Variants in OVCH1 observed in about 807,000 individuals in gnomAD.
The protein encoded by OVCH1 is ovochymase 1, also known as ovochymase-1.
A neutral mutation model predicts 138.4 loss-of-function variants in OVCH1; 139 were observed. That is an observed-to-expected ratio of 1.00 (90% confidence interval 0.87 to 1.16). OVCH1 has a LOEUF of 1.16. OVCH1 is among the 50% of genes most tolerant of loss of function. The pLI is 0.00. For missense variants in OVCH1, 1,367 were observed against 1,357.9 expected (o/e 1.01, Z -0.11); for synonymous variants, 453 against 467.8 (o/e 0.97, Z 0.41).
downstream of OVCH1, among the ~76,000 whole-genome samples, chr12:29,411,943 C>G (rs1940964226): frequency 6.7e-6 from 1 of 149,926 alleles, no homozygotes; most frequent in African/African-American, 2.4e-5. Context: ...CCTCCTTGAG[C>G]TGTGTTGGGC....
intron 8 of OVCH1, among the ~76,000 whole-genome samples, chr12:29,482,705 T>C (rs374665738): frequency 6.6e-6 from 1 of 152,230 alleles, no homozygotes; most frequent in Non-Finnish European, 1.5e-5. Flanking sequence ...TCAAGAAGTT[T>C]GAGTTTCTAT....
intron 25 of OVCH1, among the ~76,000 whole-genome samples, chr12:29,442,900 T>C (rs1941524167): frequency 6.6e-6 from 1 of 152,022 alleles, no homozygotes; most frequent in South Asian, 2.1e-4. Context: ...CTTGTAAAGA[T>C]GTTTTTCCCA....
Position 29,476,764 on chromosome 12 carries a change from C to CGT in OVCH1, c.1377+337_1377+338insAC, listed in dbSNP as rs1386806132. 1.6e-3 allele frequency among the ~76,000 whole-genome samples: 38 copies of CGT among 23,568 alleles called. 2 individuals carry two copies. The highest frequency in any genetic ancestry group is 3.3e-3 in the African/African-American group (37 of 11,094). The allele number at this position is 23,568 out of a possible 152,430, so 15.5% of individuals were successfully genotyped here. ...ATAAGTACACACGCGCGCACACACACACACACACACACACACACACACACA... is the reference window on the plus strand; with the variant it reads ...ATAAGTACACACGCGCGCACACACACGTACACACACACACACACACACACACA... On this transcript the variant is annotated intron_variant, in intron 12 of 27. Transcript: ENST00000318184.
intron 3 of OVCH1, among the ~76,000 whole-genome samples, chr12:29,419,677 A>C (rs930331895): frequency 3.1e-4 from 47 of 152,212 alleles, no homozygotes; most frequent in Admixed American, 2.0e-3. Flanking sequence ...GATGTTATAC[A>C]CTTATATAAT....
intron 27 of OVCH1, chr12:29,427,671 T>G: frequency 6.5e-7 from 1 of 1,547,332 alleles, no homozygotes; most frequent in Non-Finnish European, 8.7e-7. Context: ...TATTTGTTGT[T>G]TGGAAACCAC....
chr12:29,463,827 C>G (rs1402219981), intron 18 of OVCH1, among the ~76,000 whole-genome samples: 1 of 152,116 alleles, frequency 6.6e-6, no homozygotes, highest in Non-Finnish European at 1.5e-5. Flanking sequence ...CCTCCTCCTT[C>G]AAGCTCACAG....
intron 26 of OVCH1, among the ~76,000 whole-genome samples, chr12:29,437,703 A>G (rs887112183): frequency 2.0e-5 from 3 of 152,178 alleles, no homozygotes; most frequent in African/African-American, 7.2e-5. Flanking sequence ...AAGAAACAAG[A>G]GATTTAATTT....
chr12:29,413,660 TTACACACA>T lies in OVCH1; in HGVS notation c.*72-943_*72-936del, dbSNP rs1168445976. Among the ~76,000 whole-genome samples, 15 of 92,032 alleles carry T rather than the reference TTACACACA, an allele frequency of 1.6e-4. 1 individual carries two copies. In the East Asian group the frequency reaches 3.7e-3, roughly 23 times the overall value. 60.4% of individuals were successfully genotyped at this position (92,032 alleles called of 152,430 possible). A position where few individuals can be genotyped will look rare whatever the true frequency, so the allele number is the denominator to read the frequency against. On this transcript the variant is annotated intron_variant and NMD_transcript_variant, in intron 3 of 4. Transcript: ENST00000539117. ...GCATTTATGTATGTGTCTGTGTGTA[TTACACACA>T]TACACACACACACACACACACATTG... is the stretch of plus-strand genomic sequence containing the variant.
At chr12:29,488,620 C>CAAAAAAAAAAAAAAAAAAAAA (rs67595567) in intron 6 of OVCH1, among the ~76,000 whole-genome samples, 17 of 61,732 alleles carry the variant, frequency 2.8e-4, no homozygotes, top group Middle Eastern at 9.8e-3. Flanking sequence ...GACTCCATCT[C>CAAAAAAAAAAAAAAAAAAAAA]AAAAAAAAAA....
In OVCH1 at chr12:29,439,303, C is replaced by T; in HGVS notation, c.3264+25G>A. ...TTAAGATGTTATATAAGCCCAAGTT[C>T]TAATCACCTCTTTGAGTTACTCACC... On this transcript the variant is annotated intron_variant, in intron 26 of 27. Coordinates refer to ENST00000318184, the Ensembl canonical transcript of OVCH1. 2.7e-6 allele frequency: 4 copies of T among 1,463,138 alleles called. No homozygotes were observed. The African/African-American group carries it at 5.8e-5, about 21-fold the overall frequency. 90.6% of individuals were successfully genotyped at this position (1,463,138 alleles called of 1,614,324 possible).
chr12:29,453,527 G>A (rs1941857356), intron 21 of OVCH1, among the ~76,000 whole-genome samples: 2 of 151,842 alleles, frequency 1.3e-5, no homozygotes, highest in African/African-American at 2.4e-5. Context: ...CTGTAATCTC[G>A]GTTTCAGGAA....
chr12:29,466,345 TAATA>T (rs146856526), intron 16 of OVCH1, among the ~76,000 whole-genome samples: 3,811 of 152,218 alleles, frequency 0.025, 141 homozygotes, highest in African/African-American at 0.086. Context: ...TAAATTTGTT[TAATA>T]AATAATAAAA....
chr12:29,409,961 C>G (rs566303692), downstream of OVCH1, among the ~76,000 whole-genome samples: 3 of 152,268 alleles, frequency 2.0e-5, no homozygotes, highest in African/African-American at 7.2e-5. Context: ...TTGTAGGTCA[C>G]TCAGGACTTG....
chr12:29,438,247 C>T (rs1347926913), intron 26 of OVCH1, among the ~76,000 whole-genome samples: 1 of 152,110 alleles, frequency 6.6e-6, no homozygotes, highest in East Asian at 1.9e-4. Flanking sequence ...AAATTAACCA[C>T]ATAAAATGGT....
At chr12:29,468,710 C>A (rs1482222513) in intron 16 of OVCH1, among the ~76,000 whole-genome samples, 1 of 152,004 alleles carries the variant, frequency 6.6e-6, no homozygotes, top group African/African-American at 2.4e-5. Context: ...TAGACAGAAC[C>A]AGGTGGTACT....
chr12:29,451,969 C>T (rs1425249436), intron 21 of OVCH1, among the ~76,000 whole-genome samples: 2 of 152,132 alleles, frequency 1.3e-5, no homozygotes, highest in South Asian at 4.1e-4. Flanking sequence ...GAGCTTGTGA[C>T]TGAGGTCATG....
chr12:29,473,194 C>G lies in OVCH1; in HGVS notation c.1601-91G>C, dbSNP rs180702370. The G allele has an allele frequency of 1.5e-3, 1,252 of 837,912 alleles. 6 individuals carry two copies. The highest frequency in any genetic ancestry group is 1.2e-3 in the Non-Finnish European group (633 of 516,930). The allele number at this position is 837,912 out of a possible 1,614,324, so 51.9% of individuals were successfully genotyped here. On this transcript the variant is annotated intron_variant, in intron 14 of 27. Transcript: ENST00000318184. ...TACCCTGGTAAATCATAAAACTACT[C>G]TACTGTAGATCTCACTAACACTACC...
downstream of OVCH1, among the ~76,000 whole-genome samples, chr12:29,411,561 A>T (rs1167263747): frequency 6.6e-6 from 1 of 152,072 alleles, no homozygotes; most frequent in African/African-American, 2.4e-5. Context: ...AGCTTGCTAG[A>T]GGTCCACTCC....
downstream of OVCH1, among the ~76,000 whole-genome samples, chr12:29,408,890 T>G (rs1188103020): frequency 6.6e-6 from 1 of 152,152 alleles, no homozygotes; most frequent in African/African-American, 2.4e-5. Flanking sequence ...ATGGTACCAG[T>G]TCCTCCTTGT....
Sources: gnomAD v4.1 joint callset for allele counts (sites outside exome capture counted in the v4.1 genomes callset) on GRCh38, gnomAD v4.1.1 for gene constraint, MANE v1.5 for transcripts, NCBI Gene and HGNC (gene_info 2026-07-23, HGNC 2026-07-21) for gene names.